Variants in RBFOX3 observed in about 807,000 individuals in gnomAD.
The protein encoded by RBFOX3 is RNA binding fox-1 homolog 3.
RBFOX3 carries 17 observed loss-of-function variants against 48.7 expected under a neutral mutation model. That is an observed-to-expected ratio of 0.35 (90% CI 0.24 to 0.52). The LOEUF is 0.52. RBFOX3 is among the 20% of genes least tolerant of loss of function. The pLI, the probability that RBFOX3 is intolerant of heterozygous loss-of-function variation, is 0.94. For synonymous variants in RBFOX3, 212 were observed against 209.5 expected, an observed-to-expected ratio of 1.01 and a Z score of -0.10; for missense variants, 382 against 497.5, an observed-to-expected ratio of 0.77 and a Z score of 2.21.
chr17:79,302,292 T>G (rs962046104), intron 3 of RBFOX3, among the ~76,000 whole-genome samples: 17 of 152,124 alleles, frequency 1.1e-4, no homozygotes, highest in African/African-American at 4.1e-4. Flanking sequence ...AAACCAAGGC[T>G]TAGAAGTTAA....
chr17:79,634,031 C>T, the RBFOX3 span, among the ~76,000 whole-genome samples: 1 of 152,254 alleles, frequency 6.6e-6, no homozygotes, highest in Non-Finnish European at 1.5e-5. Context: ...TTGTCTTCGA[C>T]GCCTTTGGCA....
chr17:79,291,692 C>G (rs1207146528), intron 3 of RBFOX3, among the ~76,000 whole-genome samples: 2 of 152,172 alleles, frequency 1.3e-5, no homozygotes, highest in African/African-American at 2.4e-5. Context: ...GCCTTGATCT[C>G]TGTTCTCAGG....
Position 79,299,171 on chromosome 17 carries a change from G to T in RBFOX3, c.-74+8553C>A, listed in dbSNP as rs1258545408. On this transcript the variant is annotated intron_variant, in intron 3 of 14. Coordinates refer to ENST00000693108, the MANE Select transcript of RBFOX3 (RefSeq NM_001350451.2). The surrounding 1 kb of genome is among the most constrained non-coding windows in gnomAD (Gnocchi z 4.5). The stretch of plus-strand genomic sequence containing the variant: ...CGGTGCTGGCAAAACAGAGGCCAGA[G>T]AGGGTGGGATGTGAGGGCGGGTCCC... 6.6e-6 allele frequency among the ~76,000 whole-genome samples: 1 copy of T among 151,188 alleles called. No individual in the cohort carries two copies. Among genetic ancestry groups the T allele is most frequent in the Non-Finnish European group, 1.5e-5 (1 of 67,786 alleles).
intron 3 of RBFOX3, among the ~76,000 whole-genome samples, chr17:79,260,216 C>T (rs1337054375): frequency 6.6e-6 from 1 of 152,102 alleles, no homozygotes; most frequent in East Asian, 1.9e-4. Context: ...TGCCCAGACC[C>T]TCACACCCCT....
chr17:79,281,408 C>A (rs11077420), intron 3 of RBFOX3, among the ~76,000 whole-genome samples: 27,344 of 150,598 alleles, frequency 0.18, 2,605 homozygotes, highest in Non-Finnish European at 0.24. Context: ...CCTGGAGGAG[C>A]CGCAGGCTTG....
intron 4 of RBFOX3, among the ~76,000 whole-genome samples, chr17:79,135,302 C>T (rs1359665137): frequency 2.0e-5 from 3 of 152,104 alleles, no homozygotes; most frequent in East Asian, 1.9e-4. Context: ...AGATGGGTGG[C>T]GGTGGGGTCC....
chr17:79,372,790 C>G (rs1334517147), intron 2 of RBFOX3, among the ~76,000 whole-genome samples: 1 of 152,212 alleles, frequency 6.6e-6, no homozygotes, highest in Non-Finnish European at 1.5e-5. Flanking sequence ...CAGGAGGAAC[C>G]AGCATAGAGG....
intron 3 of RBFOX3, among the ~76,000 whole-genome samples, chr17:79,251,371 C>A (rs1417758964): frequency 6.6e-6 from 1 of 152,136 alleles, no homozygotes; most frequent in Non-Finnish European, 1.5e-5. Context: ...GCTGCCCCTC[C>A]CAGTATAGTC....
chr17:79,444,839 T>C (rs2071903710), intron 2 of RBFOX3, among the ~76,000 whole-genome samples: 2 of 152,132 alleles, frequency 1.3e-5, no homozygotes, highest in Admixed American at 1.3e-4. Flanking sequence ...TTATATATTA[T>C]ATATTCTTCC....
intron 4 of RBFOX3, among the ~76,000 whole-genome samples, chr17:79,181,858 C>T (rs1280291191): frequency 1.3e-5 from 2 of 152,114 alleles, no homozygotes; most frequent in African/African-American, 2.4e-5. Flanking sequence ...ATTGCTCCAC[C>T]TTAAACCACC....
At chr17:79,339,640 G>T (rs1437104822) in intron 2 of RBFOX3, among the ~76,000 whole-genome samples, 1 of 152,156 alleles carries the variant, frequency 6.6e-6, no homozygotes, top group African/African-American at 2.4e-5. Flanking sequence ...TTTCAAGAAG[G>T]TTCTGAGCCT....
At chr17:79,197,732 C>T (rs550655012) in intron 4 of RBFOX3, among the ~76,000 whole-genome samples, 7 of 152,260 alleles carry the variant, frequency 4.6e-5, no homozygotes, top group East Asian at 3.9e-4. Context: ...ACATCGTCCA[C>T]GCAGCCAGGG....
At chr17:79,567,438 G>T (rs983408083) in intron 1 of RBFOX3, among the ~76,000 whole-genome samples, 4 of 152,148 alleles carry the variant, frequency 2.6e-5, no homozygotes, top group Admixed American at 2.6e-4. Context: ...GCCCGCCTTG[G>T]CCTTCCGAAG....
At chr17:79,621,122 C>T in the RBFOX3 span, among the ~76,000 whole-genome samples, 127 of 152,180 alleles carry the variant, frequency 8.3e-4, no homozygotes, top group Admixed American at 1.8e-3. Context: ...CCTCAGCCTC[C>T]CAAGTAGCTG....
At chr17:79,653,739 A>C in the RBFOX3 span, among the ~76,000 whole-genome samples, 3 of 144,140 alleles carry the variant, frequency 2.1e-5, no homozygotes, top group South Asian at 7.0e-4. Context: ...CATAATTTCA[A>C]TTTTAAAACT....
chr17:79,477,309 C>G lies in RBFOX3; in HGVS notation c.-175+5145G>C, dbSNP rs1188858207. Among the ~76,000 whole-genome samples, 11 of 146,636 alleles carry G rather than the reference C, an allele frequency of 7.5e-5. No individual in the cohort carries two copies. The highest frequency in any genetic ancestry group is 3.4e-4 in the Admixed American group (5 of 14,710). Reference sequence around the variant, plus strand: ...CGGTGGCTCACACCTGTAATCCCAGCACTTTGGGAGGCCAAGGCAGGTGGA... The same window carrying G: ...CGGTGGCTCACACCTGTAATCCCAGGACTTTGGGAGGCCAAGGCAGGTGGA... On this transcript the variant is annotated intron_variant, in intron 2 of 14. Transcript: ENST00000693108. The surrounding 1 kb of genome is among the most constrained non-coding windows in gnomAD (Gnocchi z 4.8).
At chr17:79,448,581 G>C (rs2072830794) in intron 2 of RBFOX3, among the ~76,000 whole-genome samples, 1 of 152,202 alleles carries the variant, frequency 6.6e-6, no homozygotes, top group Admixed American at 6.5e-5. Flanking sequence ...CTCCCCTGAA[G>C]CCTTTGGAGG....
chr17:79,211,571 C>T (rs985685816), intron 4 of RBFOX3, among the ~76,000 whole-genome samples: 2 of 152,168 alleles, frequency 1.3e-5, no homozygotes, highest in Non-Finnish European at 1.5e-5. Context: ...CTGCCAGCAG[C>T]CTGGGAGAGC....
intron 1 of RBFOX3, among the ~76,000 whole-genome samples, chr17:79,571,012 G>A (rs2092659059): frequency 6.6e-6 from 1 of 152,156 alleles, no homozygotes; most frequent in Non-Finnish European, 1.5e-5. Context: ...CAGGGAGGAG[G>A]AGTGAGGCCA....
Sources: allele counts gnomAD v4.1 joint callset (sites outside exome capture counted in the v4.1 genomes callset), GRCh38; gene constraint gnomAD v4.1.1; non-coding constraint Gnocchi (gnomAD v3.1); transcripts MANE v1.5; gene names NCBI Gene and HGNC (gene_info 2026-07-23, HGNC 2026-07-21).